Variants in NFIA observed in about 807,000 individuals in gnomAD.
The protein encoded by NFIA is nuclear factor I A.
A neutral mutation model predicts 62.8 loss-of-function variants in NFIA; 8 were observed. The observed-to-expected ratio is 0.13, with a 90% confidence interval of 0.07 to 0.23. The LOEUF (loss-of-function observed/expected upper bound fraction) is 0.23, where lower values mean the gene tolerates loss of function less well. Among genes scored for constraint, NFIA ranks in the 10% least tolerant of loss-of-function variants. NFIA has a pLI of 1.00. For missense variants in NFIA, 410 were observed against 642.1 expected (o/e 0.64, Z 3.91); for synonymous variants, 235 against 238.1 (o/e 0.99, Z 0.12).
chr1:61,420,724 G>A (rs796386433), intron 9 of NFIA, among the ~76,000 whole-genome samples: 80 of 152,282 alleles, frequency 5.3e-4, no homozygotes, highest in African/African-American at 1.8e-3. Context: ...TTCTGAAAAC[G>A]AGGGAACACA....
intron 3 of NFIA, among the ~76,000 whole-genome samples, chr1:61,327,053 T>G (rs1295812552): frequency 6.7e-6 from 1 of 148,610 alleles, no homozygotes; most frequent in Non-Finnish European, 1.5e-5. Context: ...ATATATGATA[T>G]GTATATATCT....
At chr1:61,426,959 T>C (rs950854278) in intron 10 of NFIA, among the ~76,000 whole-genome samples, 11 of 152,102 alleles carry the variant, frequency 7.2e-5, no homozygotes, top group African/African-American at 2.7e-4. Flanking sequence ...CTCCTCTGTA[T>C]TCATTAGAGG....
intron 2 of NFIA, among the ~76,000 whole-genome samples, chr1:61,151,382 C>CTT (rs60675167): frequency 0.012 from 1,715 of 141,634 alleles, 24 homozygotes; most frequent in Middle Eastern, 0.052. Flanking sequence ...GCTAATACAG[C>CTT]TTTTTTTTTT....
Position 61,460,736 on chromosome 1 carries a change from G to A in NFIA, c.*5416G>A, listed in dbSNP as rs1420404144. ...TTCTGAAGTAAGATTTTTCTACACC[G>A]GTAGCCTTCGCTGTCTGTCAGTCAG... is the stretch of plus-strand genomic sequence containing the variant. On this transcript the variant is annotated 3_prime_UTR_variant, in exon 11 of 11. Transcript: ENST00000403491. 1 of 152,150 alleles carries A rather than the reference G, an allele frequency of 6.6e-6. No individual in the cohort carries two copies. Among genetic ancestry groups the A allele is most frequent in the Non-Finnish European group, 1.5e-5 (1 of 68,028 alleles). 9.4% of individuals were successfully genotyped at this position (152,150 alleles called of 1,614,324 possible). A position where few individuals can be genotyped will look rare whatever the true frequency, so the allele number is the denominator to read the frequency against.
At chr1:61,299,760 C>G (rs904335522) in intron 3 of NFIA, among the ~76,000 whole-genome samples, 1 of 152,150 alleles carries the variant, frequency 6.6e-6, no homozygotes, top group Non-Finnish European at 1.5e-5. Context: ...GTTTGGAACA[C>G]AAGCTGGTTA....
chr1:61,269,232 A>AG (rs1257860059), intron 2 of NFIA, among the ~76,000 whole-genome samples: 1 of 152,048 alleles, frequency 6.6e-6, no homozygotes, highest in African/African-American at 2.4e-5. Flanking sequence ...AAAAAAAAAA[A>AG]GAATTGGTTA....
chr1:61,218,505 C>A (rs1653792884), intron 2 of NFIA, among the ~76,000 whole-genome samples: 1 of 152,124 alleles, frequency 6.6e-6, no homozygotes, highest in Non-Finnish European at 1.5e-5. Flanking sequence ...ATTCAATCAA[C>A]CACGAATTGA....
At position 61,359,169 on chromosome 1, in the gene NFIA, G is replaced by A; in HGVS notation, c.841G>A (p.Val281Met). 1 of 1,613,390 alleles carries A rather than the reference G, an allele frequency of 6.2e-7. No individual in the cohort carries two copies. Among genetic ancestry groups the A allele is most frequent in the Non-Finnish European group, 8.5e-7 (1 of 1,179,970 alleles). The change falls in exon 6 of 11, where the codon GTG becomes ATG. Residue 281 changes from valine (V) to methionine (M), a missense_variant. Val to Met is a conservative substitution (Grantham distance 21). This residue lies in a region of NFIA where 298 missense variants were observed against 438.1 expected (regional missense o/e 0.68). Coordinates refer to ENST00000403491, the MANE Select transcript of NFIA (RefSeq NM_001134673.4). ...CAGCTCCACAAAGCGCCTCAAGTCT[G>A]TGGAGGATGAAATGGACAGTCCTGG... ...STSSTKRLKS[V>M]EDEMDSPGEE...
intron 2 of NFIA, among the ~76,000 whole-genome samples, chr1:61,250,495 A>G (rs184412213): frequency 3.3e-5 from 5 of 152,292 alleles, no homozygotes; most frequent in East Asian, 3.9e-4. Flanking sequence ...TATGATCTAC[A>G]TGGTATGTGT....
At chr1:61,188,829 AG>A (rs1377249419) in intron 2 of NFIA, among the ~76,000 whole-genome samples, 8 of 152,346 alleles carry the variant, frequency 5.3e-5, no homozygotes, top group African/African-American at 1.9e-4. Flanking sequence ...CGTATATTAA[AG>A]TCATACTAAT....
intron 2 of NFIA, among the ~76,000 whole-genome samples, chr1:61,126,568 A>T (rs2100480902): frequency 6.6e-6 from 1 of 152,184 alleles, no homozygotes; most frequent in Admixed American, 6.5e-5. Flanking sequence ...GAATATGAGT[A>T]TCAGAAGATA....
At chr1:61,262,601 T>G (rs1175517084) in intron 2 of NFIA, among the ~76,000 whole-genome samples, 1 of 152,178 alleles carries the variant, frequency 6.6e-6, no homozygotes, top group Non-Finnish European at 1.5e-5. Context: ...GACTAAAACT[T>G]AAGAGATGCT....
chr1:61,083,826 G>A (rs1301349345), intron 1 of NFIA, among the ~76,000 whole-genome samples: 1 of 151,952 alleles, frequency 6.6e-6, no homozygotes, highest in Non-Finnish European at 1.5e-5. Context: ...GCAGGACGGG[G>A]GCAACTTTTC....
rs115413759 is a variant in NFIA, at chr1:61,210,168, C to G, written c.560-67352C>G. Reference sequence around the variant, plus strand: ...GGGAAGGGTATAATACCTTTGGGTTCCTTAGCTCAGGGCTGTCTCATTTCT... The same window carrying G: ...GGGAAGGGTATAATACCTTTGGGTTGCTTAGCTCAGGGCTGTCTCATTTCT... On this transcript the variant is annotated intron_variant, in intron 2 of 10. Transcript: ENST00000403491. Among the ~76,000 whole-genome samples, 635 of 152,208 alleles carry G rather than the reference C, an allele frequency of 4.2e-3. 9 individuals carry two copies. Among genetic ancestry groups the G allele is most frequent in the Admixed American group, 0.02 (305 of 15,286 alleles).
At chr1:61,243,120 G>C (rs1161611094) in intron 2 of NFIA, among the ~76,000 whole-genome samples, 1 of 151,958 alleles carries the variant, frequency 6.6e-6, no homozygotes, top group Non-Finnish European at 1.5e-5. Context: ...GTCAACCAAG[G>C]CCCAATCATT....
At chr1:61,218,609 T>C (rs556462581) in intron 2 of NFIA, among the ~76,000 whole-genome samples, 3 of 152,340 alleles carry the variant, frequency 2.0e-5, no homozygotes, top group African/African-American at 7.2e-5. Context: ...AATTTTACTA[T>C]GTAGGGATTT....
chr1:61,121,336 A>T (rs1262173279), intron 2 of NFIA, among the ~76,000 whole-genome samples: 2 of 152,136 alleles, frequency 1.3e-5, no homozygotes, highest in African/African-American at 4.8e-5. Context: ...GAAATTAGCA[A>T]TCTTTTGCTC....
At chr1:61,131,584 T>C (rs1273357426) in intron 2 of NFIA, among the ~76,000 whole-genome samples, 1 of 152,148 alleles carries the variant, frequency 6.6e-6, no homozygotes, top group Non-Finnish European at 1.5e-5. Flanking sequence ...TTGTACTCAT[T>C]GGATCTGGAG....
At chr1:61,349,098 C>G (rs2100424379) in intron 4 of NFIA, among the ~76,000 whole-genome samples, 1 of 152,138 alleles carries the variant, frequency 6.6e-6, no homozygotes, top group Non-Finnish European at 1.5e-5. Context: ...TCCTCCATAG[C>G]CTATTTCATA....
Sources: gnomAD v4.1 joint callset for allele counts (sites outside exome capture counted in the v4.1 genomes callset) on GRCh38, gnomAD v4.1.1 for gene constraint, gnomAD v4.1.1 regional missense constraint, MANE v1.5 for transcripts, NCBI Gene and HGNC (gene_info 2026-07-23, HGNC 2026-07-21) for gene names.